Variants in IGF2BP2 observed in about 807,000 individuals in gnomAD.
IGF2BP2 encodes insulin-like growth factor 2 mRNA-binding protein 2.
In IGF2BP2, 17 loss-of-function variants were observed where a neutral mutation model predicts 75.8. The observed-to-expected ratio is 0.22, with a 90% confidence interval of 0.15 to 0.34. The LOEUF is 0.34. IGF2BP2 is among the 10% of genes least tolerant of loss of function. The probability of loss-of-function intolerance (pLI) is 1.00; values close to 1 mark genes in which losing one functional copy is unlikely to be tolerated. For missense variants in IGF2BP2, 516 were observed against 772.4 expected, an observed-to-expected ratio of 0.67 and a Z score of 3.93; for synonymous variants, 288 against 295.6, an observed-to-expected ratio of 0.97 and a Z score of 0.26.
Position 185,715,363 on chromosome 3 carries a change from C to T in IGF2BP2, c.240-17016G>A, listed in dbSNP as rs139839337. Among the ~76,000 whole-genome samples, 38 of 152,262 alleles carry T rather than the reference C, an allele frequency of 2.5e-4. No individual in the cohort carries two copies. The East Asian group carries it at 5.0e-3, about 20-fold the overall frequency. The stretch of plus-strand genomic sequence containing the variant: ...ACTTCCTATTTCCTGAGTTAAACCA[C>T]GAGGGTGATAAACCTTTCACCAAGA... On this transcript the variant is annotated intron_variant, in intron 2 of 15. Coordinates refer to ENST00000382199, the MANE Select transcript of IGF2BP2 (RefSeq NM_006548.6).
chr3:185,707,677 T>G (rs1242494161), intron 2 of IGF2BP2, among the ~76,000 whole-genome samples: 1 of 152,064 alleles, frequency 6.6e-6, no homozygotes, highest in Non-Finnish European at 1.5e-5. Context: ...ATATAATTAT[T>G]CCAAGAAACA....
chr3:185,659,626 T>C (rs931379903), intron 10 of IGF2BP2, among the ~76,000 whole-genome samples: 3 of 152,088 alleles, frequency 2.0e-5, no homozygotes, highest in African/African-American at 7.2e-5. Flanking sequence ...TCTACCCGCC[T>C]TAGCCTCCCA....
intron 2 of IGF2BP2, among the ~76,000 whole-genome samples, chr3:185,704,430 G>T (rs191626830): frequency 5.6e-4 from 86 of 152,234 alleles, no homozygotes; most frequent in African/African-American, 2.0e-3. Flanking sequence ...ACCAGTGATA[G>T]CCAAGTCCAA....
At chr3:185,749,805 C>T (rs1183825022) in intron 2 of IGF2BP2, among the ~76,000 whole-genome samples, 1 of 152,182 alleles carries the variant, frequency 6.6e-6, no homozygotes, top group Non-Finnish European at 1.5e-5. Flanking sequence ...TGTTAAAAAA[C>T]GTCCTTGACA....
intron 2 of IGF2BP2, among the ~76,000 whole-genome samples, chr3:185,773,320 AG>A (rs1405739612): frequency 6.6e-6 from 1 of 152,236 alleles, no homozygotes; most frequent in Non-Finnish European, 1.5e-5. Flanking sequence ...ATAACACTAT[AG>A]ACTATAGAAC....
rs1004363630 is a variant in IGF2BP2 at position 185,647,663 on chromosome 3, C to T, written c.1594-525G>A. The stretch of plus-strand genomic sequence containing the variant: ...ACCCTTGGATTGTTGTCCTCTCTCC[C>T]GGCCACTGGATCCCACCCCAGGCCC... On this transcript the variant is annotated intron_variant, in intron 14 of 15. Transcript: ENST00000382199. This position sits in a 1 kb window ranked among gnomAD's most constrained non-coding sequence, Gnocchi z 4.9. Among the ~76,000 whole-genome samples the T allele has an allele frequency of 1.3e-5, 2 of 152,178 alleles. No individual in the cohort carries two copies. The highest frequency in any genetic ancestry group is 2.9e-5 in the Non-Finnish European group (2 of 68,042).
chr3:185,678,568 C>T (rs548326693), intron 7 of IGF2BP2, among the ~76,000 whole-genome samples: 1 of 152,276 alleles, frequency 6.6e-6, no homozygotes, highest in Non-Finnish European at 1.5e-5. Flanking sequence ...TATGTTCTCT[C>T]TCCTGGAGAG....
chr3:185,791,362 C>T (rs747238108), intron 2 of IGF2BP2, among the ~76,000 whole-genome samples: 1 of 152,328 alleles, frequency 6.6e-6, no homozygotes, highest in Non-Finnish European at 1.5e-5. Context: ...GGCTGAGGCA[C>T]GAGGACTGCT....
chr3:185,657,598 GCA>G (rs1163990586), intron 11 of IGF2BP2, among the ~76,000 whole-genome samples, 196 bp from the exon 12 acceptor site: 2 of 152,218 alleles, frequency 1.3e-5, no homozygotes, highest in East Asian at 3.9e-4. Flanking sequence ...AGGGACCTGA[GCA>G]CAGGCAGCGC....
In IGF2BP2 at chr3:185,775,961, G is replaced by A. The variant is rs530812199; in HGVS notation, c.239+47192C>T. On this transcript the variant is annotated intron_variant, in intron 2 of 15. Transcript: ENST00000382199. ...GGAATTGGAAACAGCCTAGCAATAG[G>A]CAAATGGCAAGGTGGCTCAAGCCTG... Among the ~76,000 whole-genome samples the A allele has an allele frequency of 3.9e-5, 6 of 152,344 alleles. 1 individual carries two copies. The South Asian group carries it at 1.2e-3, about 32-fold the overall frequency.
rs141389813 is a variant in IGF2BP2 at position 185,643,229 on chromosome 3, C to T, written c.*2302G>A. On this transcript the variant is annotated 3_prime_UTR_variant, in exon 16 of 16. Coordinates refer to ENST00000382199, the MANE Select transcript of IGF2BP2 (RefSeq NM_006548.6). ...AGGTATGCCTGCACTTACTAGTGAG[C>T]TTCCCGTGGAGGCGTGAAGTGCCTC... is the stretch of plus-strand genomic sequence containing the variant. Among the ~76,000 whole-genome samples the T allele has an allele frequency of 7.2e-5, 11 of 152,302 alleles. No individual in the cohort carries two copies. The highest frequency in any genetic ancestry group is 1.5e-4 in the Non-Finnish European group (10 of 68,022).
At chr3:185,800,840 G>A (rs531520993) in intron 2 of IGF2BP2, among the ~76,000 whole-genome samples, 28 of 152,234 alleles carry the variant, frequency 1.8e-4, no homozygotes, top group African/African-American at 2.2e-4. Flanking sequence ...AAAAGCAATC[G>A]TAACAAAAGC....
intron 2 of IGF2BP2, chr3:185,716,693 G>C: frequency 1.9e-6 from 1 of 520,146 alleles, no homozygotes; most frequent in Middle Eastern, 3.2e-4. Flanking sequence ...TATTTACTCA[G>C]GGCCATGGTG....
At chr3:185,718,684 C>CAAAAAAAA (rs10699427) in intron 2 of IGF2BP2, among the ~76,000 whole-genome samples, 7 of 49,510 alleles carry the variant, frequency 1.4e-4, no homozygotes, top group East Asian at 1.5e-3. Context: ...GACTCTGTCT[C>CAAAAAAAA]AAAAAAAAAA....
chr3:185,821,127 A>C, intron 2 of IGF2BP2: 1 of 1,505,328 alleles, frequency 6.6e-7, no homozygotes, highest in Non-Finnish European at 8.8e-7. Context: ...TCTCTCCCTT[A>C]GCCTGCAGTA....
chr3:185,649,735 T>G (rs1444756806), intron 13 of IGF2BP2, among the ~76,000 whole-genome samples: 1 of 152,184 alleles, frequency 6.6e-6, no homozygotes, highest in Non-Finnish European at 1.5e-5. Flanking sequence ...TGGCTGCACT[T>G]TGAAAAATGT....
At position 185,671,444 on chromosome 3, in the gene IGF2BP2, C is replaced by T. The variant is rs552541004; in HGVS notation, c.1200+1097G>A. On this transcript the variant is annotated intron_variant, in intron 10 of 15. Transcript: ENST00000382199. Reference sequence around the variant, plus strand: ...CCCAGCTACTTGGGATGCTGAGGCACGAGAATAGCTCGAACCCAGGAGGTG... The same window carrying T: ...CCCAGCTACTTGGGATGCTGAGGCATGAGAATAGCTCGAACCCAGGAGGTG... 5.4e-5 allele frequency among the ~76,000 whole-genome samples: 8 copies of T among 147,752 alleles called. No homozygotes were observed. The East Asian group carries it at 6.0e-4, about 11-fold the overall frequency.
chr3:185,651,991 G>A, intron 13 of IGF2BP2, 103 bp downstream of exon 13: 1 of 802,278 alleles, frequency 1.2e-6, no homozygotes, highest in Admixed American at 2.8e-5. Context: ...GCAGCAGGGA[G>A]GGAAATGGAG....
chr3:185,728,016 T>C (rs747346898), intron 2 of IGF2BP2, among the ~76,000 whole-genome samples: 3 of 152,146 alleles, frequency 2.0e-5, no homozygotes, highest in Admixed American at 6.5e-5. Flanking sequence ...AGATTTACTA[T>C]AATGCCCCGG....
Sources: allele counts gnomAD v4.1 joint callset (sites outside exome capture counted in the v4.1 genomes callset), GRCh38; gene constraint gnomAD v4.1.1; non-coding constraint Gnocchi (gnomAD v3.1); transcripts MANE v1.5; gene names NCBI Gene and HGNC (gene_info 2026-07-23, HGNC 2026-07-21).